TYR: variants seen among roughly 807,000 people sequenced by gnomAD.
TYR encodes the protein LB24-AB.
A neutral mutation model predicts 51.5 loss-of-function variants in TYR; 58 were observed. That is an observed-to-expected ratio of 1.13 (90% CI 0.91 to 1.40). The LOEUF (loss-of-function observed/expected upper bound fraction) is 1.40, where lower values mean the gene tolerates loss of function less well. Ranked by LOEUF, TYR falls within the 40% of genes most tolerant of loss-of-function variation. The pLI, the probability that TYR is intolerant of heterozygous loss-of-function variation, is 0.00. For missense variants in TYR, 732 were observed against 647.4 expected, an observed-to-expected ratio of 1.13 and a Z score of -1.42; for synonymous variants, 263 against 235.2, an observed-to-expected ratio of 1.12 and a Z score of -1.08.
At chr11:89,217,377 T>G (rs772448162) in intron 2 of TYR, among the ~76,000 whole-genome samples, 8 of 152,172 alleles carry the variant, frequency 5.3e-5, no homozygotes, top group Non-Finnish European at 1.0e-4. Context: ...GGGAATGACC[T>G]TCCCTATGGC....
chr11:89,184,359 T>C (rs563746313), intron 1 of TYR, among the ~76,000 whole-genome samples: 19 of 152,264 alleles, frequency 1.2e-4, no homozygotes, highest in Non-Finnish European at 2.5e-4. Context: ...AATGATTTAG[T>C]CTACATACTT....
chr11:89,258,895 C>T (rs1944425764), intron 3 of TYR, among the ~76,000 whole-genome samples: 1 of 152,050 alleles, frequency 6.6e-6, no homozygotes, highest in Non-Finnish European at 1.5e-5. Flanking sequence ...CTTTGCCACC[C>T]TCACTCAGCT....
Position 89,251,158 on chromosome 11 carries a change from A to T in TYR, c.1184+23188A>T, listed in dbSNP as rs1213156157. On this transcript the variant is annotated intron_variant, in intron 3 of 4. Coordinates refer to ENST00000263321, the MANE Select transcript of TYR (RefSeq NM_000372.5). ...AAACATATGGGTTTAATTCCAAAAG[A>T]TATTCTGTAGGGAAATTATCTCAGA... Among the ~76,000 whole-genome samples the T allele has an allele frequency of 2.0e-5, 3 of 151,962 alleles. No homozygotes were observed. In the East Asian group the frequency reaches 5.8e-4, roughly 29 times the overall value.
intron 3 of TYR, among the ~76,000 whole-genome samples, chr11:89,260,699 A>C (rs551255332): frequency 1.3e-5 from 2 of 152,314 alleles, no homozygotes; most frequent in South Asian, 2.1e-4. Flanking sequence ...TATTTTTTCT[A>C]TCCTATTTAA....
chr11:89,206,155 C>A (rs1943670251), intron 2 of TYR, among the ~76,000 whole-genome samples: 1 of 151,884 alleles, frequency 6.6e-6, no homozygotes, highest in South Asian at 2.1e-4. Context: ...TAAGCCATAA[C>A]ATTATATAAT....
chr11:89,227,535 C>G (rs1208059963), intron 2 of TYR, among the ~76,000 whole-genome samples: 1 of 152,108 alleles, frequency 6.6e-6, no homozygotes, highest in African/African-American at 2.4e-5. Context: ...CATATTGAAA[C>G]AGAAATTATA....
At chr11:89,229,038 G>C (rs1944009522) in intron 3 of TYR, among the ~76,000 whole-genome samples, 1 of 152,026 alleles carries the variant, frequency 6.6e-6, no homozygotes, top group South Asian at 2.1e-4. Context: ...GTAAAAATAA[G>C]AGGAGTTATT....
At chr11:89,274,472 C>T (rs16913084) in intron 3 of TYR, among the ~76,000 whole-genome samples, 3,235 of 151,938 alleles carry the variant, frequency 0.021, 127 homozygotes, top group African/African-American at 0.075. Flanking sequence ...GAACTAATGG[C>T]TTCTGCTCTG....
chr11:89,189,575 T>C (rs1423302251), intron 1 of TYR, among the ~76,000 whole-genome samples: 1 of 152,140 alleles, frequency 6.6e-6, no homozygotes, highest in East Asian at 1.9e-4. Flanking sequence ...ATTGAGTGTT[T>C]TCTGTTGGTC....
intron 3 of TYR, among the ~76,000 whole-genome samples, chr11:89,249,656 T>C (rs1332095609): frequency 6.6e-6 from 1 of 151,958 alleles, no homozygotes; most frequent in Non-Finnish European, 1.5e-5. Context: ...AACAAAACTT[T>C]TGAAAAGTTT....
intron 2 of TYR, among the ~76,000 whole-genome samples, chr11:89,210,682 G>T (rs2135268820): frequency 6.6e-6 from 1 of 152,274 alleles, no homozygotes; most frequent in Middle Eastern, 3.4e-3. Flanking sequence ...CACCAAGGTT[G>T]AAATGAAGGA....
At position 89,295,372 on chromosome 11, in the gene TYR, T is replaced by G. The variant is rs776841803; in HGVS notation, c.*6T>G. The G allele has an allele frequency of 6.3e-7, 1 of 1,592,060 alleles. No individual in the cohort carries two copies. Among genetic ancestry groups the G allele is most frequent in the African/African-American group, 1.3e-5 (1 of 74,656 alleles). On this transcript the variant is annotated 3_prime_UTR_variant, in exon 5 of 5. Coordinates refer to ENST00000263321, the MANE Select transcript of TYR (RefSeq NM_000372.5). ...TGTATCAGAGCCATTTATAAAAGGC[T>G]TAGGCAATAGAGTAGGGCCAAAAAG...
chr11:89,294,108 G>C (rs1944879108), intron 4 of TYR: 1 of 157,316 alleles, frequency 6.4e-6, no homozygotes, highest in Non-Finnish European at 1.4e-5. Flanking sequence ...GGGTTCCCAA[G>C]TACTGTCAAC....
At chr11:89,241,004 A>G (rs937978918) in intron 3 of TYR, among the ~76,000 whole-genome samples, 5 of 152,236 alleles carry the variant, frequency 3.3e-5, no homozygotes, top group Non-Finnish European at 7.3e-5. Context: ...ACTCCAAAAG[A>G]AAGAATTGGT....
rs1204943263 is a variant in TYR at position 89,206,209 on chromosome 11, T to C, written c.1036+14791T>C. ...TAGTCTAAAAATACCAATTAAGAGA[T>C]TGGGAGACTAGATTTTATTTAAAAA... On this transcript the variant is annotated intron_variant, in intron 2 of 4. Coordinates refer to ENST00000263321, the MANE Select transcript of TYR (RefSeq NM_000372.5). 5.3e-5 allele frequency among the ~76,000 whole-genome samples: 8 copies of C among 152,000 alleles called. No homozygotes were observed. The East Asian group carries it at 1.5e-3, about 29-fold the overall frequency.
At chr11:89,195,746 T>G (rs141332595) in intron 2 of TYR, among the ~76,000 whole-genome samples, 4,072 of 152,130 alleles carry the variant, frequency 0.027, 74 homozygotes, top group Non-Finnish European at 0.037. Context: ...AATAAGTCTG[T>G]ATTATAAGAA....
chr11:89,234,683 G>A (rs972500597), intron 3 of TYR, among the ~76,000 whole-genome samples: 1 of 146,704 alleles, frequency 6.8e-6, no homozygotes, highest in Non-Finnish European at 1.5e-5. Flanking sequence ...AGATTCAGGG[G>A]AGTGGCTGGT....
chr11:89,289,198 T>C (rs750290678), intron 4 of TYR, among the ~76,000 whole-genome samples: 58 of 152,060 alleles, frequency 3.8e-4, no homozygotes, highest in Non-Finnish European at 8.8e-5. Context: ...GAGAGCTTCC[T>C]TCTCCCCATA....
chr11:89,295,234 C>G lies in TYR; in HGVS notation c.1458C>G (p.Ala486=), dbSNP rs370870806. 1.2e-6 allele frequency: 2 copies of G among 1,613,848 alleles called. No individual in the cohort carries two copies. Among genetic ancestry groups the G allele is most frequent in the East Asian group, 2.2e-5 (1 of 44,876 alleles). The part of the protein sequence containing the change: ...SWLLGAAMVG[A]VLTALLAGLV... Reference sequence around the variant, plus strand: ...TCCTTGGGGCGGCGATGGTAGGGGCCGTCCTCACTGCCCTGCTGGCAGGGC... The same window carrying G: ...TCCTTGGGGCGGCGATGGTAGGGGCGGTCCTCACTGCCCTGCTGGCAGGGC... The change falls in exon 5 of 5, where the codon GCC becomes GCG. Residue 486 remains alanine (A), a synonymous_variant. Coordinates refer to ENST00000263321, the MANE Select transcript of TYR (RefSeq NM_000372.5).
Sources: allele counts gnomAD v4.1 joint callset (sites outside exome capture counted in the v4.1 genomes callset), GRCh38; gene constraint gnomAD v4.1.1; transcripts MANE v1.5; gene names NCBI Gene and HGNC (gene_info 2026-07-23, HGNC 2026-07-21).